The following FAT3 variants were observed in gnomAD, a reference collection of about 807,000 sequenced individuals.
FAT3 encodes the protein protocadherin Fat 3.
A neutral mutation model predicts 310.2 loss-of-function variants in FAT3; 95 were observed. The observed-to-expected ratio is 0.31, with a 90% CI of 0.26 to 0.36. FAT3 has a LOEUF of 0.36. FAT3 is among the 10% of genes least tolerant of loss of function. The pLI, the probability that FAT3 is intolerant of heterozygous loss-of-function variation, is 1.00. For missense variants in FAT3, 5,408 were observed against 5,715.6 expected (o/e 0.95, Z 1.74); for synonymous variants, 2,314 against 2,192.9 (o/e 1.06, Z -1.54).
intron 2 of FAT3, among the ~76,000 whole-genome samples, chr11:92,462,102 C>T (rs1485382920): frequency 6.6e-6 from 1 of 152,136 alleles, no homozygotes; most frequent in Non-Finnish European, 1.5e-5. Context: ...AAAGAAAATA[C>T]TGCCTCATCT....
At chr11:92,761,405 A>T (rs1039059427) in intron 4 of FAT3, among the ~76,000 whole-genome samples, 10 of 152,222 alleles carry the variant, frequency 6.6e-5, no homozygotes, top group Admixed American at 6.5e-4. Flanking sequence ...AGGTTTTAAC[A>T]TATGAATTTT....
chr11:92,836,479 C>T lies in FAT3; in HGVS notation c.10087-87C>T, dbSNP rs547794679. On this transcript the variant is annotated intron_variant, in intron 15 of 27. Coordinates refer to ENST00000525166, the MANE Select transcript of FAT3 (RefSeq NM_001367949.2). ...TCCCGAGAAAACTGTCACAGCTGCA[C>T]CCATTTAAACAGACCTGGGACCCTA... 9 of 1,466,376 alleles carry T rather than the reference C, an allele frequency of 6.1e-6. No homozygotes were observed. In the South Asian group the frequency reaches 1.1e-4, roughly 19 times the overall value. The allele number at this position is 1,466,376 out of a possible 1,614,324, so 90.8% of individuals were successfully genotyped here. A position where few individuals can be genotyped will look rare whatever the true frequency, so the allele number is the denominator to read the frequency against.
intron 3 of FAT3, among the ~76,000 whole-genome samples, chr11:92,636,911 C>A (rs2135717222): frequency 6.6e-6 from 1 of 152,302 alleles, no homozygotes; most frequent in South Asian, 2.1e-4. Flanking sequence ...CAATATCACC[C>A]ATGACATCAG....
intron 4 of FAT3, among the ~76,000 whole-genome samples, chr11:92,751,573 G>A (rs1945829697): frequency 6.6e-6 from 1 of 152,206 alleles, no homozygotes. Flanking sequence ...AGTGCTGAAA[G>A]AAGTTGCAGC....
intron 3 of FAT3, among the ~76,000 whole-genome samples, chr11:92,541,563 A>T (rs1954448673): frequency 6.6e-6 from 1 of 152,172 alleles, no homozygotes; most frequent in South Asian, 2.1e-4. Flanking sequence ...AAGTATTCAT[A>T]AAAGAAAATT....
At position 92,748,504 on chromosome 11, in the gene FAT3, C is replaced by G. The variant is rs149531621; in HGVS notation, c.3670-13352C>G. On this transcript the variant is annotated intron_variant, in intron 4 of 27. Transcript: ENST00000525166. ...CTTCCTTCCTTTCTTTCCTTTGAAC[C>G]CTCATTCTTTCTTTTCCTTATTTCT... Among the ~76,000 whole-genome samples the G allele has an allele frequency of 8.5e-5, 13 of 152,144 alleles. No individual in the cohort carries two copies. In the East Asian group the frequency reaches 2.3e-3, roughly 27 times the overall value.
At chr11:92,641,353 G>A (rs1386243979) in intron 3 of FAT3, among the ~76,000 whole-genome samples, 2 of 151,910 alleles carry the variant, frequency 1.3e-5, no homozygotes, top group African/African-American at 4.8e-5. Flanking sequence ...AGTTTCCTAG[G>A]GCCAATATGA....
intron 21 of FAT3, 102 bp downstream of exon 21, chr11:92,859,424 A>G: frequency 1.6e-6 from 2 of 1,229,680 alleles, no homozygotes; most frequent in Non-Finnish European, 2.2e-6. Context: ...TTAAGTTCAG[A>G]AGACCAGAAG....
chr11:92,335,271 C>T (rs2155151), intron 1 of FAT3, among the ~76,000 whole-genome samples: 32,984 of 151,288 alleles, frequency 0.22, 4,385 homozygotes, highest in African/African-American at 0.38. Context: ...ACTTAGACAC[C>T]GAATGTATTC....
intron 22 of FAT3, among the ~76,000 whole-genome samples, chr11:92,877,662 A>G (rs1949564460): frequency 1.3e-5 from 2 of 152,120 alleles, no homozygotes; most frequent in Admixed American, 6.5e-5. Context: ...GAGCCCCATT[A>G]ATGTGCTCAG....
At chr11:92,302,600 A>G (rs1290433373) in intron 1 of FAT3, among the ~76,000 whole-genome samples, 1 of 152,122 alleles carries the variant, frequency 6.6e-6, no homozygotes, top group Admixed American at 6.6e-5. Flanking sequence ...CTATAGTGGC[A>G]TAGAAGGCGA....
At chr11:92,535,434 G>A (rs180896434) in intron 3 of FAT3, among the ~76,000 whole-genome samples, 1 of 152,286 alleles carries the variant, frequency 6.6e-6, no homozygotes, top group Admixed American at 6.5e-5. Flanking sequence ...CCAGTTTGTG[G>A]TGCTTGGTTA....
intron 3 of FAT3, among the ~76,000 whole-genome samples, chr11:92,696,535 A>C (rs1282936742): frequency 6.6e-6 from 1 of 152,074 alleles, no homozygotes; most frequent in African/African-American, 2.4e-5. Context: ...CTGTTCCTCC[A>C]TTGTCCATCA....
chr11:92,297,820 G>A (rs892260589), intron 1 of FAT3, among the ~76,000 whole-genome samples: 5 of 152,122 alleles, frequency 3.3e-5, no homozygotes, highest in African/African-American at 1.2e-4. Context: ...GATGCAGAAT[G>A]GATAAGTTTG....
intron 1 of FAT3, among the ~76,000 whole-genome samples, chr11:92,319,363 A>G (rs1009533757): frequency 2.1e-5 from 2 of 96,526 alleles, no homozygotes; most frequent in African/African-American, 3.5e-4. Flanking sequence ...ACAAAGTGGT[A>G]GAATTCATAT....
At chr11:92,466,155 T>C (rs1165139364) in intron 2 of FAT3, among the ~76,000 whole-genome samples, 1 of 152,184 alleles carries the variant, frequency 6.6e-6, no homozygotes, top group Non-Finnish European at 1.5e-5. Flanking sequence ...TGATCAAATA[T>C]GATGTGAGCT....
At chr11:92,578,202 A>C (rs1232835829) in intron 3 of FAT3, among the ~76,000 whole-genome samples, 2 of 129,030 alleles carry the variant, frequency 1.6e-5, no homozygotes, top group African/African-American at 5.2e-5. Flanking sequence ...AGATCTTTTA[A>C]AATTGTATTT....
intron 13 of FAT3, among the ~76,000 whole-genome samples, chr11:92,829,276 T>C (rs1297063818): frequency 2.6e-5 from 4 of 152,354 alleles, no homozygotes; most frequent in Middle Eastern, 3.4e-3. Context: ...CATGCACTAA[T>C]GGAAGTCCCT....
At chr11:92,431,191 G>A (rs1198994567) in intron 2 of FAT3, among the ~76,000 whole-genome samples, 2 of 152,076 alleles carry the variant, frequency 1.3e-5, no homozygotes, top group East Asian at 1.9e-4. Context: ...TGACTTTTTA[G>A]TGATTGTCAT....
Sources: gnomAD v4.1 joint callset for allele counts (sites outside exome capture counted in the v4.1 genomes callset) on GRCh38, gnomAD v4.1.1 for gene constraint, MANE v1.5 for transcripts, NCBI Gene and HGNC (gene_info 2026-07-23, HGNC 2026-07-21) for gene names.